LGR6: variants seen among roughly 807,000 people sequenced by gnomAD.
The protein encoded by LGR6 is leucine-rich repeat-containing G protein-coupled receptor 6.
A neutral mutation model predicts 69.4 loss-of-function variants in LGR6; 45 were observed. The ratio of observed to expected loss-of-function variants is 0.65; its 90% CI spans 0.51 to 0.83. LGR6 has a LOEUF of 0.83. Among genes scored for constraint, LGR6 ranks in the 40% least tolerant of loss-of-function variants. The pLI is 0.00. For synonymous variants in LGR6, 538 were observed against 555.0 expected (o/e 0.97, Z 0.43); for missense variants, 1,108 against 1,246.7 (o/e 0.89, Z 1.68).
Position 202,307,222 on chromosome 1 carries a change from G to A in LGR6, c.1209-108G>A, listed in dbSNP as rs1165048606. ...CCTTCCCCAAAAGGCAAAGGTTACTGTTACTGGGGGCAGGTCAGATGGGGG... is the reference window on the plus strand; with the variant it reads ...CCTTCCCCAAAAGGCAAAGGTTACTATTACTGGGGGCAGGTCAGATGGGGG... On this transcript the variant is annotated intron_variant, in intron 13 of 17. Coordinates refer to ENST00000367278, the MANE Select transcript of LGR6 (RefSeq NM_001017403.2). 3.5e-5 allele frequency: 38 copies of A among 1,085,466 alleles called. No homozygotes were observed. The Middle Eastern group carries it at 6.0e-4, about 17-fold the overall frequency. 67.2% of individuals were successfully genotyped at this position (1,085,466 alleles called of 1,614,324 possible). A position where few individuals can be genotyped will look rare whatever the true frequency, so the allele number is the denominator to read the frequency against.
At chr1:202,196,803 T>C (rs1658657416) in intron 1 of LGR6, among the ~76,000 whole-genome samples, 1 of 151,630 alleles carries the variant, frequency 6.6e-6, no homozygotes, top group Non-Finnish European at 1.5e-5. Context: ...AGTGGGTGAG[T>C]GTAGAATTCA....
At chr1:202,272,086 G>C (rs976188208) in intron 4 of LGR6, among the ~76,000 whole-genome samples, 30 of 152,172 alleles carry the variant, frequency 2.0e-4, no homozygotes, top group Admixed American at 2.0e-4. Flanking sequence ...CTGGGTCAGA[G>C]CTGCCAGATA....
At chr1:202,306,164 T>A (rs1024209578) in intron 12 of LGR6, among the ~76,000 whole-genome samples, 6 of 152,194 alleles carry the variant, frequency 3.9e-5, no homozygotes, top group Non-Finnish European at 8.8e-5. Context: ...AACACGCACA[T>A]GCATATGTGT....
intron 7 of LGR6, among the ~76,000 whole-genome samples, chr1:202,298,186 C>T (rs546952424): frequency 3.3e-5 from 5 of 152,296 alleles, no homozygotes; most frequent in South Asian, 4.1e-4. Context: ...TATATAACTC[C>T]AACCATAACT....
chr1:202,253,478 A>G (rs1451165046), intron 4 of LGR6, among the ~76,000 whole-genome samples: 1 of 140,496 alleles, frequency 7.1e-6, no homozygotes, highest in Admixed American at 7.1e-5. Flanking sequence ...AATTTTTTGT[A>G]TTTTTAGTAG....
chr1:202,304,310 G>A (rs1200690767), intron 10 of LGR6, among the ~76,000 whole-genome samples: 2 of 152,138 alleles, frequency 1.3e-5, no homozygotes, highest in East Asian at 3.9e-4. Flanking sequence ...GCAGAGCCCT[G>A]GGCTGTGGCC....
intron 3 of LGR6, among the ~76,000 whole-genome samples, chr1:202,231,131 G>C (rs1230646219): frequency 6.6e-6 from 1 of 152,220 alleles, no homozygotes; most frequent in East Asian, 1.9e-4. Flanking sequence ...GAGTGGCTGG[G>C]AGTTAGCATC....
At chr1:202,222,242 C>A (rs1571834966) in intron 1 of LGR6, among the ~76,000 whole-genome samples, 1 of 152,258 alleles carries the variant, frequency 6.6e-6, no homozygotes, top group South Asian at 2.1e-4. Context: ...CCCTCCACCC[C>A]TGAACAGTTG....
At position 202,203,963 on chromosome 1, in the gene LGR6, G is replaced by T. The variant is rs1176835020; in HGVS notation, c.212+9762G>T. ...TTATTTCCTGTGAAAATACCAGGTA[G>T]TATTATGTTCACTATGTCTTTGTAG... is the stretch of plus-strand genomic sequence containing the variant. On this transcript the variant is annotated intron_variant, in intron 1 of 17. Transcript: ENST00000367278. 7.8e-6 allele frequency: 7 copies of T among 903,168 alleles called. No individual in the cohort carries two copies. The African/African-American group carries it at 1.1e-4, about 15-fold the overall frequency. 55.9% of individuals were successfully genotyped at this position (903,168 alleles called of 1,614,324 possible).
At chr1:202,230,449 C>T (rs1002058069) in intron 3 of LGR6, among the ~76,000 whole-genome samples, 1 of 152,230 alleles carries the variant, frequency 6.6e-6, no homozygotes. Flanking sequence ...AGACGCTAGT[C>T]TTAACCATCA....
intron 4 of LGR6, chr1:202,236,419 T>C (rs1320834981): frequency 2.7e-5 from 5 of 187,884 alleles, no homozygotes; most frequent in Admixed American, 1.7e-4. Flanking sequence ...GGAAGGAGGC[T>C]AGGCTCAGAT....
chr1:202,313,596 T>C (rs1653914111), intron 16 of LGR6, among the ~76,000 whole-genome samples: 1 of 152,144 alleles, frequency 6.6e-6, no homozygotes, highest in South Asian at 2.1e-4. Flanking sequence ...GTTGTGAAGG[T>C]TAATGGGACC....
intron 4 of LGR6, among the ~76,000 whole-genome samples, chr1:202,269,433 G>A (rs1664920858): frequency 6.6e-6 from 1 of 152,124 alleles, no homozygotes; most frequent in Admixed American, 6.5e-5. Context: ...CAGAACCTTT[G>A]CCCTCCTTTC....
Position 202,319,457 on chromosome 1 carries a change from C to G in LGR6, c.*250C>G, listed in dbSNP as rs1293136505. 5 of 468,908 alleles carry G rather than the reference C, an allele frequency of 1.1e-5. No homozygotes were observed. In the East Asian group the frequency reaches 1.7e-4, roughly 16 times the overall value. 29.0% of individuals were successfully genotyped at this position (468,908 alleles called of 1,614,324 possible). ...GGCCTCTTCCTTGTCATGTCTGAAGCTGTGGACCAGAGACCTGGACTTTTG... is the reference window on the plus strand; with the variant it reads ...GGCCTCTTCCTTGTCATGTCTGAAGGTGTGGACCAGAGACCTGGACTTTTG... On this transcript the variant is annotated 3_prime_UTR_variant, in exon 18 of 18. Transcript: ENST00000367278.
chr1:202,314,322 T>C (rs896657787), intron 16 of LGR6, among the ~76,000 whole-genome samples: 2 of 152,208 alleles, frequency 1.3e-5, no homozygotes, highest in African/African-American at 2.4e-5. Context: ...CTCTCACAAA[T>C]GGCTTCTGCT....
At chr1:202,231,303 A>G (rs1571852645) in intron 3 of LGR6, among the ~76,000 whole-genome samples, 1 of 152,162 alleles carries the variant, frequency 6.6e-6, no homozygotes, top group East Asian at 1.9e-4. Flanking sequence ...GTGTCGATGA[A>G]CTGAATTGAA....
At chr1:202,230,921 T>C (rs894982140) in intron 3 of LGR6, among the ~76,000 whole-genome samples, 1 of 152,208 alleles carries the variant, frequency 6.6e-6, no homozygotes. Flanking sequence ...AGGACCTGCC[T>C]CCCGTCCTGC....
chr1:202,216,352 G>T (rs61821576), intron 1 of LGR6, among the ~76,000 whole-genome samples: 11,871 of 152,260 alleles, frequency 0.078, 600 homozygotes, highest in African/African-American at 0.13. Flanking sequence ...GCAGAAGCCA[G>T]TAAGTGGCAG....
intron 4 of LGR6, among the ~76,000 whole-genome samples, chr1:202,275,084 G>C (rs530580076): frequency 6.6e-6 from 1 of 152,282 alleles, no homozygotes; most frequent in South Asian, 2.1e-4. Flanking sequence ...TGTGCTGTTG[G>C]GATGAAAGAA....
Sources: gnomAD v4.1 joint callset for allele counts (sites outside exome capture counted in the v4.1 genomes callset) on GRCh38, gnomAD v4.1.1 for gene constraint, MANE v1.5 for transcripts, NCBI Gene and HGNC (gene_info 2026-07-23, HGNC 2026-07-21) for gene names.